Variants in PIAS1 observed in about 807,000 individuals in gnomAD.
PIAS1 encodes the protein protein inhibitor of activated STAT 1, also known as E3 SUMO-protein ligase PIAS1.
PIAS1 carries 6 observed loss-of-function variants against 71.3 expected under a neutral mutation model. The ratio of observed to expected loss-of-function variants is 0.08; its 90% confidence interval spans 0.05 to 0.17. PIAS1 has a LOEUF of 0.17. PIAS1 is among the 10% of genes least tolerant of loss of function. PIAS1 has a pLI of 1.00. For missense variants in PIAS1, 555 were observed against 793.6 expected (o/e 0.70, Z 3.61); for synonymous variants, 303 against 292.9 (o/e 1.03, Z -0.35).
rs2092287848 is a variant in PIAS1 at position 68,086,858 on chromosome 15, G to A, written c.469+108G>A. The A allele has an allele frequency of 4.8e-6, 3 of 620,494 alleles. No individual in the cohort carries two copies. The highest frequency in any genetic ancestry group is 8.5e-6 in the Non-Finnish European group (3 of 353,858). 38.4% of individuals were successfully genotyped at this position (620,494 alleles called of 1,614,324 possible). A position where few individuals can be genotyped will look rare whatever the true frequency, so the allele number is the denominator to read the frequency against. ...TTCATAATGAAATTTTCATTTGATAGTAACAGCTGGATAATAATGAAGATC... is the reference window on the plus strand; with the variant it reads ...TTCATAATGAAATTTTCATTTGATAATAACAGCTGGATAATAATGAAGATC... On this transcript the variant is annotated intron_variant, in intron 2 of 13. Coordinates refer to ENST00000249636, the MANE Select transcript of PIAS1 (RefSeq NM_016166.3). The surrounding 1 kb of genome is among the most constrained non-coding windows in gnomAD (Gnocchi z 7.2).
rs762688957 is a variant in PIAS1 at position 68,192,382 on chromosome 15, G to C, written c.*4547G>C. 6.6e-6 allele frequency: 1 copy of C among 152,194 alleles called. No individual in the cohort carries two copies. 9.4% of individuals were successfully genotyped at this position (152,194 alleles called of 1,614,324 possible). ...CCAGAAATTCTGCATTTCTGTTTTT[G>C]TATTCTTAAGGCAGCCAAATCTCGT... On this transcript the variant is annotated 3_prime_UTR_variant, in exon 14 of 14. Transcript: ENST00000249636.
chr15:68,107,960 A>G (rs2141006140), intron 2 of PIAS1, among the ~76,000 whole-genome samples: 1 of 152,330 alleles, frequency 6.6e-6, no homozygotes, highest in East Asian at 1.9e-4. Flanking sequence ...GAAAACTACT[A>G]GAAAATCAAC....
chr15:68,189,687 G>C lies in PIAS1; in HGVS notation c.*1852G>C, dbSNP rs1331331635. 2 of 152,014 alleles carry C rather than the reference G, an allele frequency of 1.3e-5. No individual in the cohort carries two copies. The highest frequency in any genetic ancestry group is 2.9e-5 in the Non-Finnish European group (2 of 68,014). The allele number at this position is 152,014 out of a possible 1,614,324, so 9.4% of individuals were successfully genotyped here. A position where few individuals can be genotyped will look rare whatever the true frequency, so the allele number is the denominator to read the frequency against. On this transcript the variant is annotated 3_prime_UTR_variant, in exon 14 of 14. Transcript: ENST00000249636. Reference sequence around the variant, plus strand: ...ATAAACAAGTGTGTTTGAGTAACAAGTGAGTTTCATAGTCTTCCCCTACGC... The same window carrying C: ...ATAAACAAGTGTGTTTGAGTAACAACTGAGTTTCATAGTCTTCCCCTACGC...
chr15:68,137,070 G>A (rs2092739017), intron 2 of PIAS1, among the ~76,000 whole-genome samples: 1 of 152,176 alleles, frequency 6.6e-6, no homozygotes, highest in Admixed American at 6.5e-5. Context: ...ATAAATTGCT[G>A]ATGGTCTTAT....
intron 2 of PIAS1, among the ~76,000 whole-genome samples, chr15:68,129,411 A>G (rs1283740286): frequency 6.6e-6 from 1 of 152,172 alleles, no homozygotes; most frequent in Non-Finnish European, 1.5e-5. Flanking sequence ...AGCTATATAT[A>G]TACTTGACCG....
At chr15:68,066,795 T>TA (rs35847224) in intron 1 of PIAS1, among the ~76,000 whole-genome samples, 12,339 of 151,502 alleles carry the variant, frequency 0.081, 538 homozygotes, top group Admixed American at 0.13. Flanking sequence ...TAAAGACCTT[T>TA]AAAAAAAAAG....
chr15:68,154,578 A>G (rs1370144212), intron 7 of PIAS1, among the ~76,000 whole-genome samples: 1 of 152,222 alleles, frequency 6.6e-6, no homozygotes, highest in Non-Finnish European at 1.5e-5. Context: ...CTTTTGTAGC[A>G]TAGCTATTAC....
rs1409138498 is a variant in PIAS1 at position 68,175,633 on chromosome 15, A to G, written c.1170-4A>G. 3 of 1,455,462 alleles carry G rather than the reference A, an allele frequency of 2.1e-6. No individual in the cohort carries two copies. Among genetic ancestry groups the G allele is most frequent in the Admixed American group, 4.3e-5 (2 of 46,074 alleles). 90.2% of individuals were successfully genotyped at this position (1,455,462 alleles called of 1,614,324 possible). A position where few individuals can be genotyped will look rare whatever the true frequency, so the allele number is the denominator to read the frequency against. On this transcript the variant is annotated splice_region_variant and splice_polypyrimidine_tract_variant and intron_variant, in intron 9 of 13. Coordinates refer to ENST00000249636, the MANE Select transcript of PIAS1 (RefSeq NM_016166.3). ...TATTCTAAGGATGAATTGTTTTCTT[A>G]TAGCTTGTTTATGGAAATCCTAAAG...
chr15:68,125,369 T>C (rs2092643402), intron 2 of PIAS1, among the ~76,000 whole-genome samples: 1 of 152,206 alleles, frequency 6.6e-6, no homozygotes. Flanking sequence ...TGAGGTCTTC[T>C]TTCATTACAT....
rs767878798 is a variant in PIAS1 at position 68,065,139 on chromosome 15, C to CG, written c.24+10796dup. On this transcript the variant is annotated intron_variant, in intron 1 of 13. Coordinates refer to ENST00000249636, the MANE Select transcript of PIAS1 (RefSeq NM_016166.3). Reference sequence around the variant, plus strand: ...ATTTAATCGACATAAAGTTTTTTTGCGGGGGGGATGGTCCTCCACTTTCAA... The same window carrying CG: ...ATTTAATCGACATAAAGTTTTTTTGCGGGGGGGGATGGTCCTCCACTTTCAA... Among the ~76,000 whole-genome samples, 251 of 151,594 alleles carry CG rather than the reference C, an allele frequency of 1.7e-3. 1 individual carries two copies. Among genetic ancestry groups the CG allele is most frequent in the Non-Finnish European group, 3.0e-3 (201 of 67,866 alleles).
chr15:68,069,803 C>CAAAA (rs56693841), intron 1 of PIAS1, among the ~76,000 whole-genome samples: 3 of 101,468 alleles, frequency 3.0e-5, no homozygotes, highest in Non-Finnish European at 4.0e-5. Context: ...GACTCCGTCT[C>CAAAA]AAAAAAAAAA....
Position 68,091,351 on chromosome 15 carries a change from A to G in PIAS1, c.469+4601A>G, listed in dbSNP as rs140439872. On this transcript the variant is annotated intron_variant, in intron 2 of 13. Transcript: ENST00000249636. ...TTGTTTAAATTGGCTTTGTTAGAACATAATGGCAAAAACACAGAATACTTT... is the reference window on the plus strand; with the variant it reads ...TTGTTTAAATTGGCTTTGTTAGAACGTAATGGCAAAAACACAGAATACTTT... 3.0e-3 allele frequency among the ~76,000 whole-genome samples: 457 copies of G among 152,262 alleles called. 1 individual carries two copies. Among genetic ancestry groups the G allele is most frequent in the African/African-American group, 0.011 (443 of 41,568 alleles).
chr15:68,182,738 C>T lies in PIAS1; in HGVS notation c.1625-892C>T, dbSNP rs180735013. On this transcript the variant is annotated intron_variant, in intron 12 of 13. Transcript: ENST00000249636. ...GCCAGCCAGTTACAGCTGCTCTTAA[C>T]GGTTAGATATCTTTCTATACCTTTT... Among the ~76,000 whole-genome samples, 62 of 152,248 alleles carry T rather than the reference C, an allele frequency of 4.1e-4. 1 individual carries two copies. The East Asian group carries it at 0.011, about 26-fold the overall frequency.
In PIAS1 at chr15:68,171,966, G is replaced by T. The variant is rs543586350; in HGVS notation, c.1009-1766G>T. ...AAATACTTTAAGTTCTATGGTACAT[G>T]TGCACAACGTGCAGGTATACATGTG... On this transcript the variant is annotated intron_variant, in intron 8 of 13. Coordinates refer to ENST00000249636, the MANE Select transcript of PIAS1 (RefSeq NM_016166.3). This position sits in a 1 kb window ranked among gnomAD's most constrained non-coding sequence, Gnocchi z 4.4. Among the ~76,000 whole-genome samples, 121 of 151,442 alleles carry T rather than the reference G, an allele frequency of 8.0e-4. No homozygotes were observed. The highest frequency in any genetic ancestry group is 2.9e-3 in the African/African-American group (118 of 41,246).
intron 7 of PIAS1, among the ~76,000 whole-genome samples, chr15:68,156,212 A>T (rs1369916971): frequency 2.0e-5 from 3 of 152,380 alleles, no homozygotes; most frequent in East Asian, 1.9e-4. Flanking sequence ...AAATAATTGC[A>T]CAAGTCATTA....
At chr15:68,067,636 T>C (rs1028764214) in intron 1 of PIAS1, among the ~76,000 whole-genome samples, 1 of 152,084 alleles carries the variant, frequency 6.6e-6, no homozygotes, top group Non-Finnish European at 1.5e-5. Flanking sequence ...AATAGATGCC[T>C]ATGTTGAATT....
At chr15:68,097,435 T>A (rs11071978) in intron 2 of PIAS1, among the ~76,000 whole-genome samples, 50,529 of 150,518 alleles carry the variant, frequency 0.34, 9,345 homozygotes, top group East Asian at 0.7. Flanking sequence ...TTAATTAATT[T>A]ATTTATTTAT....
chr15:68,068,898 T>C (rs2092060811), intron 1 of PIAS1, among the ~76,000 whole-genome samples: 1 of 147,012 alleles, frequency 6.8e-6, no homozygotes, highest in African/African-American at 2.5e-5. Context: ...TTGTCCTTTT[T>C]TTTTTTTTTT....
chr15:68,130,177 A>G (rs1157849018), intron 2 of PIAS1, among the ~76,000 whole-genome samples: 1 of 152,058 alleles, frequency 6.6e-6, no homozygotes, highest in Non-Finnish European at 1.5e-5. Flanking sequence ...TTAAAAATAA[A>G]GATTTTTTAA....
Sources: gnomAD v4.1 joint callset for allele counts (sites outside exome capture counted in the v4.1 genomes callset) on GRCh38, gnomAD v4.1.1 for gene constraint, Gnocchi (gnomAD v3.1) non-coding constraint, MANE v1.5 for transcripts, NCBI Gene and HGNC (gene_info 2026-07-23, HGNC 2026-07-21) for gene names.